Variants in NAV1 observed in about 807,000 individuals in gnomAD.
NAV1 encodes the protein pore membrane and/or filament interacting like protein 3.
NAV1 carries 18 observed loss-of-function variants against 175.2 expected under a neutral mutation model. The ratio of observed to expected loss-of-function variants is 0.10; its 90% confidence interval spans 0.07 to 0.15. The LOEUF (loss-of-function observed/expected upper bound fraction) is 0.15, where lower values mean the gene tolerates loss of function less well. NAV1 is among the 10% of genes least tolerant of loss of function. NAV1 has a pLI of 1.00. For synonymous variants in NAV1, 897 were observed against 978.7 expected, an observed-to-expected ratio of 0.92 and a Z score of 1.56; for missense variants, 1,731 against 2,436.6, an observed-to-expected ratio of 0.71 and a Z score of 6.10.
intron 3 of NAV1, among the ~76,000 whole-genome samples, chr1:201,767,109 G>A (rs759644889): frequency 2.6e-4 from 39 of 150,406 alleles, no homozygotes; most frequent in Non-Finnish European, 4.1e-4. Flanking sequence ...GTGAGCCACC[G>A]CGCCTGGCCC....
intron 1 of NAV1, among the ~76,000 whole-genome samples, chr1:201,664,405 A>G (rs1278145945): frequency 6.6e-6 from 1 of 152,218 alleles, no homozygotes; most frequent in East Asian, 1.9e-4. Context: ...TTCCGAGTCA[A>G]TTAACCTCCC....
Position 201,813,014 on chromosome 1 carries a change from A to G in NAV1, c.5222-126A>G. ...GCAGTCAGCACCCACTAGTCTTGACAACTCTAAATTTCCTTTAATCCTTTG... is the reference window on the plus strand; with the variant it reads ...GCAGTCAGCACCCACTAGTCTTGACGACTCTAAATTTCCTTTAATCCTTTG... On this transcript the variant is annotated intron_variant, in intron 27 of 29. Coordinates refer to ENST00000367296, the Ensembl canonical transcript of NAV1. The surrounding 1 kb of genome is among the most constrained non-coding windows in gnomAD (Gnocchi z 4.2). The G allele has an allele frequency of 1.4e-6, 1 of 697,778 alleles. No individual in the cohort carries two copies. The highest frequency in any genetic ancestry group is 1.8e-5 in the African/African-American group (1 of 56,254). The allele number at this position is 697,778 out of a possible 1,614,324, so 43.2% of individuals were successfully genotyped here.
chr1:201,663,126 C>T (rs1223698971), intron 1 of NAV1, among the ~76,000 whole-genome samples: 1 of 152,202 alleles, frequency 6.6e-6, no homozygotes, highest in East Asian at 1.9e-4. Context: ...AAGACATCAG[C>T]CAATTCCCCC....
At position 201,581,531 on chromosome 1, in the gene NAV1, T is replaced by G. The variant is rs940730893; in HGVS notation, c.-143-7008T>G. Among the ~76,000 whole-genome samples the G allele has an allele frequency of 2.0e-5, 3 of 152,014 alleles. No homozygotes were observed. In the East Asian group the frequency reaches 5.8e-4, roughly 29 times the overall value. ...GAGAGTCATTACATAGAATCAGTAG[T>G]TAAAAACAGAGCTCCGGCCGGGCGC... On this transcript the variant is annotated intron_variant, in intron 1 of 33. Coordinates refer to the NAV1 transcript ENST00000685211.
At chr1:201,547,817 C>T (rs547730507) in intron 1 of NAV1, among the ~76,000 whole-genome samples, 46 of 152,200 alleles carry the variant, frequency 3.0e-4, no homozygotes, top group African/African-American at 7.5e-4. Context: ...TTTTTTGAGA[C>T]GGAGTCTTGC....
In NAV1 at chr1:201,658,320, A is replaced by G. The variant is rs188883766; in HGVS notation, c.757+8895A>G. Among the ~76,000 whole-genome samples, 432 of 152,248 alleles carry G rather than the reference A, an allele frequency of 2.8e-3. 2 individuals are homozygous for G. The highest frequency in any genetic ancestry group is 3.6e-3 in the Non-Finnish European group (246 of 68,030). ...AAGCAGAATGCAGCATGCTGCGAAG[A>G]AGCCAGAAAGGGCAACTGAGGGCTC... On this transcript the variant is annotated intron_variant, in intron 1 of 29. Transcript: ENST00000367296.
chr1:201,571,349 C>T (rs1379667711), intron 1 of NAV1, among the ~76,000 whole-genome samples: 1 of 152,200 alleles, frequency 6.6e-6, no homozygotes, highest in African/African-American at 2.4e-5. Context: ...TAATTGGTGC[C>T]CAGTGAATAA....
intron 1 of NAV1, among the ~76,000 whole-genome samples, chr1:201,708,442 A>G (rs535324984): frequency 0.017 from 2,389 of 137,810 alleles, 63 homozygotes; most frequent in African/African-American, 0.068. Flanking sequence ...ACTTGCGCGC[A>G]CACACACACA....
intron 1 of NAV1, among the ~76,000 whole-genome samples, chr1:201,703,537 C>G (rs1339459037): frequency 6.6e-6 from 1 of 152,230 alleles, no homozygotes; most frequent in Non-Finnish European, 1.5e-5. Flanking sequence ...GCCAGGCACC[C>G]TCTCCTGGTC....
At position 201,660,420 on chromosome 1, in the gene NAV1, G is replaced by T. The variant is rs146618793; in HGVS notation, c.757+10995G>T. 8.3e-3 allele frequency among the ~76,000 whole-genome samples: 1,271 copies of T among 152,308 alleles called. 57 individuals carry two copies. The highest frequency in any genetic ancestry group is 0.055 in the Admixed American group (842 of 15,304). On this transcript the variant is annotated intron_variant, in intron 1 of 29. Coordinates refer to ENST00000367296, the Ensembl canonical transcript of NAV1. ...CAAGGGACCCACTGGGCTCCTAGGAGCACCAGCGTCAGGCCTCCCTACTTG... is the reference window on the plus strand; with the variant it reads ...CAAGGGACCCACTGGGCTCCTAGGATCACCAGCGTCAGGCCTCCCTACTTG...
intron 13 of NAV1, 31 bp downstream of exon 17, chr1:201,790,797 G>T: frequency 6.2e-7 from 1 of 1,611,810 alleles, no homozygotes; most frequent in Non-Finnish European, 8.5e-7. Flanking sequence ...AAAGATCAAG[G>T]CAGTTATTTT....
intron 1 of NAV1, among the ~76,000 whole-genome samples, chr1:201,649,774 GT>G (rs1463472883): frequency 6.6e-6 from 1 of 152,232 alleles, no homozygotes; most frequent in East Asian, 1.9e-4. Context: ...GGAAACCTCC[GT>G]TGTGGTGTGG....
chr1:201,681,182 C>A (rs922203609), intron 1 of NAV1, among the ~76,000 whole-genome samples: 1 of 152,166 alleles, frequency 6.6e-6, no homozygotes, highest in Non-Finnish European at 1.5e-5. Flanking sequence ...TCGCATCCAG[C>A]ATTTCAGGCC....
chr1:201,714,497 TGAAA>T (rs1171600591), intron 2 of NAV1, among the ~76,000 whole-genome samples: 1 of 152,146 alleles, frequency 6.6e-6, no homozygotes, highest in Non-Finnish European at 1.5e-5. Flanking sequence ...CCCTGACTAC[TGAAA>T]GGGAGGTGAC....
At chr1:201,825,462 C>T (rs1222344259) in exon 30 of NAV1, 4 of 152,166 alleles carry the variant, frequency 2.6e-5, no homozygotes, top group Non-Finnish European at 5.9e-5. Flanking sequence ...TGTATGGCAG[C>T]TAACAGTGTA....
At chr1:201,634,703 C>T (rs1668566402) in intron 2 of NAV1, among the ~76,000 whole-genome samples, 5 of 152,190 alleles carry the variant, frequency 3.3e-5, no homozygotes, top group Admixed American at 3.3e-4. Context: ...TATCTCAAGG[C>T]AGTGGATTTG....
In NAV1 at chr1:201,539,682, T is replaced by C. The variant is rs1010826163; in HGVS notation, c.-144+340T>C. On this transcript the variant is annotated intron_variant, in intron 1 of 33. Coordinates refer to the NAV1 transcript ENST00000685211. This position sits in a 1 kb window ranked among gnomAD's most constrained non-coding sequence, Gnocchi z 5.6. ...TGAAATACCCACAATTTAAAGTGCG[T>C]TGAGATCTTATCATGAGACACCAGG... Among the ~76,000 whole-genome samples the C allele has an allele frequency of 6.6e-6, 1 of 152,132 alleles. No homozygotes were observed. The highest frequency in any genetic ancestry group is 2.4e-5 in the African/African-American group (1 of 41,432).
intron 1 of NAV1, among the ~76,000 whole-genome samples, chr1:201,548,505 G>C (rs114606546): frequency 0.02 from 3,060 of 152,250 alleles, 44 homozygotes; most frequent in Middle Eastern, 0.051. Context: ...AGGTTGCAGT[G>C]AGCTATGATT....
At chr1:201,602,362 G>A (rs897079704) in intron 2 of NAV1, among the ~76,000 whole-genome samples, 3 of 152,182 alleles carry the variant, frequency 2.0e-5, no homozygotes, top group Middle Eastern at 3.4e-3. Flanking sequence ...TCTTTTTTGA[G>A]ATGGAGTCTC....
Sources: allele counts gnomAD v4.1 joint callset (sites outside exome capture counted in the v4.1 genomes callset), GRCh38; gene constraint gnomAD v4.1.1; non-coding constraint Gnocchi (gnomAD v3.1); transcripts MANE v1.5; gene names NCBI Gene and HGNC (gene_info 2026-07-23, HGNC 2026-07-21).